The following SATL1 variants were observed in gnomAD, a reference collection of about 807,000 sequenced individuals.
SATL1 encodes the protein spermidine/spermine N1-acetyl transferase like 1.
SATL1 carries 47 observed loss-of-function variants against 51.8 expected under a neutral mutation model. The ratio of observed to expected loss-of-function variants is 0.91; its 90% CI spans 0.72 to 1.16. The LOEUF (loss-of-function observed/expected upper bound fraction) is 1.16. Among genes scored for constraint, SATL1 ranks in the 50% most tolerant of loss-of-function variants. The probability of loss-of-function intolerance (pLI) is 0.00; values close to 1 mark genes in which losing one functional copy is unlikely to be tolerated. For synonymous variants in SATL1, 176 were observed against 182.4 expected (o/e 0.97, Z 0.28); for missense variants, 520 against 526.4 (o/e 0.99, Z 0.12).
chrX:85,165,201 A>G (rs763861474), intron 2 of SATL1, among the ~76,000 whole-genome samples: 17 of 111,488 alleles, frequency 1.5e-4, no homozygotes, highest in Non-Finnish European at 2.4e-4. Flanking sequence ...GTCATTTAAC[A>G]TAATCCTCAA....
At chrX:85,203,777 C>T (rs1164715981) in intron 2 of SATL1, among the ~76,000 whole-genome samples, 1 of 112,593 alleles carries the variant, frequency 8.9e-6, no homozygotes, top group Admixed American at 9.4e-5. Context: ...CGCCCCTTTC[C>T]ACGGGAGCTC....
chrX:85,145,951 C>T (rs1205190419), intron 2 of SATL1, among the ~76,000 whole-genome samples: 1 of 105,629 alleles, frequency 9.5e-6, no homozygotes, highest in African/African-American at 3.5e-5. Context: ...GGCTGGAGTG[C>T]AGTGGCACGA....
At chrX:85,175,698 C>T (rs184180707) in intron 2 of SATL1, among the ~76,000 whole-genome samples, 18 of 110,728 alleles carry the variant, frequency 1.6e-4, no homozygotes, top group African/African-American at 2.3e-4. Context: ...AGGCTTTTGA[C>T]GCCCCTTGGC....
chrX:85,184,135 A>T (rs1256439514), intron 2 of SATL1, among the ~76,000 whole-genome samples: 2 of 111,929 alleles, frequency 1.8e-5, no homozygotes, highest in Non-Finnish European at 3.8e-5. Flanking sequence ...TTTATGGCTG[A>T]ATAGTTTTCC....
At chrX:85,242,234 G>T (rs1246215153) in intron 1 of SATL1, among the ~76,000 whole-genome samples, 1 of 112,450 alleles carries the variant, frequency 8.9e-6, no homozygotes, top group Admixed American at 9.4e-5. Context: ...TGAGTGTCCT[G>T]TTGGAATTGC....
chrX:85,112,921 T>G (rs960782661), intron 2 of SATL1, among the ~76,000 whole-genome samples: 4 of 111,872 alleles, frequency 3.6e-5, no homozygotes, highest in Non-Finnish European at 7.5e-5. Context: ...GACTAACTAC[T>G]GTAACATTTT....
rs917976599 is a variant in SATL1 at position 85,168,810 on chromosome X, G to A, written c.-313+55395C>T. ...ATGGAACAAAAAATGAGCCCGAATA[G>A]CCACAACAATCCTAAGCAGAAAGAA... On this transcript the variant is annotated intron_variant, in intron 2 of 7. Transcript: ENST00000644105. Among the ~76,000 whole-genome samples the A allele has an allele frequency of 4.5e-5, 5 of 111,499 alleles. No homozygotes were observed. The East Asian group carries it at 1.4e-3, about 31-fold the overall frequency.
At chrX:85,100,617 T>A (rs1041568166) in intron 4 of SATL1, among the ~76,000 whole-genome samples, 1 of 112,047 alleles carries the variant, frequency 8.9e-6, no homozygotes, top group Non-Finnish European at 1.9e-5. Context: ...ATCGGTAGGA[T>A]GCCAATACTA....
In SATL1 at chrX:85,094,917, T is replaced by A. The variant is rs757580193; in HGVS notation, c.1773A>T (p.Ser591=). 13 of 1,154,599 alleles carry A rather than the reference T, an allele frequency of 1.1e-5. No individual in the cohort carries two copies. Among genetic ancestry groups the A allele is most frequent in the Admixed American group, 6.7e-5 (3 of 45,054 alleles). ...CTGGAGAAGAAAGGTTTACTCTACC[T>A]GATGGTTTTTGTTGATCGTTTACTT... ...IAEVNDQQKP[S]GKLTVGFAMY... Residue 591 remains serine, a splice_region_variant and synonymous_variant, in exon 5 of 8, where the codon TCA becomes TCT. Transcript: ENST00000644105.
chrX:85,096,472 GGA>G (rs1924724870), intron 4 of SATL1, among the ~76,000 whole-genome samples: 1 of 110,855 alleles, frequency 9.0e-6, no homozygotes, highest in Non-Finnish European at 1.9e-5. Context: ...CAGGAGAGAG[GGA>G]GAGAGAGAAT....
At chrX:85,230,706 T>A (rs1449498564) in intron 1 of SATL1, among the ~76,000 whole-genome samples, 3 of 111,769 alleles carry the variant, frequency 2.7e-5, no homozygotes, top group Admixed American at 1.9e-4. Flanking sequence ...CTCTTACAAA[T>A]AAAAAGCAAA....
intron 2 of SATL1, among the ~76,000 whole-genome samples, chrX:85,173,316 C>T (rs1244362620): frequency 9.0e-6 from 1 of 111,119 alleles, no homozygotes; most frequent in African/African-American, 3.3e-5. Flanking sequence ...TAAAACAAGA[C>T]TCCATCAAGT....
At chrX:85,196,372 T>C (rs1408876880) in intron 2 of SATL1, among the ~76,000 whole-genome samples, 1 of 111,774 alleles carries the variant, frequency 8.9e-6, no homozygotes, top group Admixed American at 9.5e-5. Context: ...TTAGTATTGT[T>C]AAGATGACAA....
Position 85,107,874 on chromosome X carries a change from G to C in SATL1, c.1095C>G (p.Ser365Arg). ...APSQSGPRQS[S>R]TSQAGTNQSG... ...ATTGGTTTGTGCCTGCTTGGCTCGT[G>C]CTTGATTGTCTGGGGCCTGATTGGC... The change falls in exon 3 of 8, where the codon AGC becomes AGG. Residue 365 changes from serine (S) to arginine (R), a missense_variant. Around this residue, in one of 3 missense-constraint regions of SATL1, gnomAD observed 488 missense variants for 474.3 expected, o/e 1.03. Transcript: ENST00000644105. 1 of 1,211,644 alleles carries C rather than the reference G, an allele frequency of 8.3e-7. No homozygotes were observed. Among genetic ancestry groups the C allele is most frequent in the Admixed American group, 2.2e-5 (1 of 46,008 alleles).
chrX:85,112,142 G>T (rs1311444493), intron 2 of SATL1, among the ~76,000 whole-genome samples: 1 of 111,377 alleles, frequency 9.0e-6, no homozygotes, highest in Non-Finnish European at 1.9e-5. Flanking sequence ...GTTGAGGTCA[G>T]GAGTTTGAGA....
chrX:85,194,391 C>T (rs765687892), intron 2 of SATL1, among the ~76,000 whole-genome samples: 6 of 111,083 alleles, frequency 5.4e-5, no homozygotes, highest in Non-Finnish European at 7.6e-5. Flanking sequence ...ACACCAGTTA[C>T]GGTCAAAGTA....
At position 85,108,492 on chromosome X, in the gene SATL1, G is replaced by T. The variant is rs1417689573; in HGVS notation, c.477C>A (p.Ser159Arg). The T allele has an allele frequency of 5.8e-6, 7 of 1,211,386 alleles. No homozygotes were observed. The highest frequency in any genetic ancestry group is 6.7e-6 in the Non-Finnish European group (6 of 895,410). Reference sequence around the variant, plus strand: ...TGCCTATTTGGCTTGTGCCTAATTGGCTGGTGCCTACTTGTCTCATGCTTG... The same window carrying T: ...TGCCTATTTGGCTTGTGCCTAATTGTCTGGTGCCTACTTGTCTCATGCTTG... ...SQPSMRQVGT[S>R]QLGTSQIGMS... Residue 159 changes from serine to arginine, a missense_variant, in exon 3 of 8, where the codon AGC becomes AGA. By Grantham distance (110) the Ser-to-Arg change is moderately radical (BLOSUM62 -1). Coordinates refer to ENST00000644105, the MANE Select transcript of SATL1 (RefSeq NM_001367857.2).
intron 2 of SATL1, among the ~76,000 whole-genome samples, chrX:85,167,261 G>T (rs1341528078): frequency 1.7e-4 from 17 of 101,050 alleles, no homozygotes; most frequent in Non-Finnish European, 2.4e-4. Context: ...TGGGGGGGGG[G>T]TTGATGAGGG....
chrX:85,160,457 T>C (rs898461765), intron 2 of SATL1, among the ~76,000 whole-genome samples: 5 of 109,716 alleles, frequency 4.6e-5, no homozygotes, highest in Non-Finnish European at 9.5e-5. Flanking sequence ...ATACAGGAGC[T>C]GACAGAAAAA....
Sources: allele counts gnomAD v4.1 joint callset (sites outside exome capture counted in the v4.1 genomes callset), GRCh38; gene constraint gnomAD v4.1.1; regional missense constraint gnomAD v4.1.1; transcripts MANE v1.5; gene names NCBI Gene and HGNC (gene_info 2026-07-23, HGNC 2026-07-21).